The following RIMS1 variants were observed in gnomAD, a reference collection of about 807,000 sequenced individuals.
RIMS1 encodes the protein regulating synaptic membrane exocytosis 1.
A neutral mutation model predicts 214.1 loss-of-function variants in RIMS1; 83 were observed. That is an observed-to-expected ratio of 0.39 (90% CI 0.32 to 0.47). The LOEUF (loss-of-function observed/expected upper bound fraction) is 0.47. RIMS1 is among the 20% of genes least tolerant of loss of function. The probability of loss-of-function intolerance (pLI) is 0.99; values close to 1 mark genes in which losing one functional copy is unlikely to be tolerated. For synonymous variants in RIMS1, 793 were observed against 786.8 expected, an observed-to-expected ratio of 1.01 and a Z score of -0.13; for missense variants, 2,050 against 2,161.8, an observed-to-expected ratio of 0.95 and a Z score of 1.03.
chr6:71,916,880 ATTTAATATTTATTAATTGAGTGCCTGTG>A (rs1562189103), intron 1 of RIMS1, among the ~76,000 whole-genome samples: 19 of 152,230 alleles, frequency 1.2e-4, no homozygotes, highest in Admixed American at 9.8e-4. Flanking sequence ...TTATTTCTTC[ATTTAATATTTATTAATTGAGTGCCTGTG>A]GTTCAGAAGA....
chr6:72,179,702 C>T lies in RIMS1; in HGVS notation c.599C>T (p.Ala200Val). The change falls in exon 5 of 34, where the codon GCT becomes GTT. Residue 200 changes from alanine (A) to valine (V), a missense_variant. By Grantham distance (64) the Ala-to-Val change is moderately conservative (BLOSUM62 0). This residue lies in a region of RIMS1 where 882 missense variants were observed against 828.9 expected (regional missense o/e 1.06). Transcript: ENST00000521978. ...ACCCTGAGTGATACAGCTACAGGTGCTGGCTCTGAGGTACCAAGAGAAAAG... is the reference window on the plus strand; with the variant it reads ...ACCCTGAGTGATACAGCTACAGGTGTTGGCTCTGAGGTACCAAGAGAAAAG... Reference protein sequence around the residue: ...DGTLSDTATGAGSEVPREKKA... With the variant: ...DGTLSDTATGVGSEVPREKKA... 3.7e-6 allele frequency: 6 copies of T among 1,613,904 alleles called. No homozygotes were observed. The highest frequency in any genetic ancestry group is 3.3e-5 in the South Asian group (3 of 91,082).
intron 2 of RIMS1, among the ~76,000 whole-genome samples, chr6:71,980,658 G>A (rs1384811107): frequency 6.6e-6 from 1 of 152,020 alleles, no homozygotes; most frequent in Non-Finnish European, 1.5e-5. Flanking sequence ...AATTTTTCAG[G>A]AATATGCATG....
At chr6:72,269,803 A>G (rs2082169820) in intron 22 of RIMS1, among the ~76,000 whole-genome samples, 1 of 152,110 alleles carries the variant, frequency 6.6e-6, no homozygotes, top group African/African-American at 2.4e-5. Flanking sequence ...ATTAACTTAT[A>G]TCTCATTTTC....
In RIMS1 at chr6:72,076,335, G is replaced by A. The variant is rs575092627; in HGVS notation, c.246-20614G>A. On this transcript the variant is annotated intron_variant, in intron 2 of 33. Coordinates refer to ENST00000521978, the MANE Select transcript of RIMS1 (RefSeq NM_014989.7). ...CATGATAAAGGTGCCCATCAATTTTGTTCCCTGCCAAGGGCCATCTTCCTG... is the reference window on the plus strand; with the variant it reads ...CATGATAAAGGTGCCCATCAATTTTATTCCCTGCCAAGGGCCATCTTCCTG... 1.1e-3 allele frequency among the ~76,000 whole-genome samples: 162 copies of A among 152,296 alleles called. 1 individual carries two copies. Among genetic ancestry groups the A allele is most frequent in the African/African-American group, 3.8e-3 (156 of 41,564 alleles).
chr6:72,166,836 G>GA (rs1466580459), intron 4 of RIMS1, among the ~76,000 whole-genome samples: 1 of 151,876 alleles, frequency 6.6e-6, no homozygotes, highest in African/African-American at 2.4e-5. Flanking sequence ...ATAGTGTTTT[G>GA]TAGATTTTTT....
intron 26 of RIMS1, among the ~76,000 whole-genome samples, chr6:72,306,696 A>G (rs1211401278): frequency 6.6e-6 from 1 of 152,196 alleles, no homozygotes; most frequent in Non-Finnish European, 1.5e-5. Flanking sequence ...TCTTTTAGTA[A>G]GTCAGTTTTA....
chr6:71,940,583 T>A (rs1785767052), intron 1 of RIMS1, among the ~76,000 whole-genome samples: 1 of 152,272 alleles, frequency 6.6e-6, no homozygotes, highest in South Asian at 2.1e-4. Flanking sequence ...TTCAAGACTA[T>A]TGCAATAAGG....
chr6:72,281,176 A>G (rs985857444), intron 23 of RIMS1, among the ~76,000 whole-genome samples: 3 of 152,136 alleles, frequency 2.0e-5, no homozygotes, highest in African/African-American at 7.2e-5. Flanking sequence ...TTGAATGACC[A>G]TGTAAGCGAG....
intron 4 of RIMS1, among the ~76,000 whole-genome samples, chr6:72,144,682 T>C (rs1190334564): frequency 1.3e-5 from 2 of 152,076 alleles, no homozygotes; most frequent in Non-Finnish European, 2.9e-5. Flanking sequence ...CTGGCAGGAT[T>C]TGCAGGATAA....
chr6:72,046,109 A>AC, intron 2 of RIMS1, among the ~76,000 whole-genome samples: 1 of 152,128 alleles, frequency 6.6e-6, no homozygotes. Flanking sequence ...TAATAATTGG[A>AC]CTGATAGTGA....
In RIMS1 at chr6:72,235,685, GAAC is replaced by G; in HGVS notation, c.1818_1820del (p.Thr607del). On this transcript the variant is annotated inframe_deletion, in exon 8 of 34. Transcript: ENST00000521978. ...ATTGGACGTGTTATTCTTAACAAGA[GAAC>G]AACCATGCCCAAAGACTCAGGTGCA... 6.2e-7 allele frequency: 1 copy of G among 1,610,074 alleles called. No individual in the cohort carries two copies. The highest frequency in any genetic ancestry group is 8.5e-7 in the Non-Finnish European group (1 of 1,177,892).
chr6:72,119,930 T>C (rs908720549), intron 4 of RIMS1, among the ~76,000 whole-genome samples: 1 of 151,788 alleles, frequency 6.6e-6, no homozygotes, highest in Non-Finnish European at 1.5e-5. Flanking sequence ...TGTGATAGTT[T>C]CCTCGGAATG....
At chr6:71,892,379 G>A (rs1770177896) in intron 1 of RIMS1, among the ~76,000 whole-genome samples, 1 of 152,124 alleles carries the variant, frequency 6.6e-6, no homozygotes, top group Non-Finnish European at 1.5e-5. Flanking sequence ...AACTAGCTTG[G>A]CATCTTCCTG....
chr6:71,943,720 A>G (rs1391565048), intron 1 of RIMS1, among the ~76,000 whole-genome samples: 1 of 152,214 alleles, frequency 6.6e-6, no homozygotes, highest in Admixed American at 6.5e-5. Context: ...ATTATTATAA[A>G]TGTCAAAATT....
chr6:72,189,098 A>T (rs2049616974), intron 6 of RIMS1, among the ~76,000 whole-genome samples: 1 of 152,200 alleles, frequency 6.6e-6, no homozygotes, highest in Non-Finnish European at 1.5e-5. Flanking sequence ...TCTAGGGATG[A>T]TGGTGAGTGT....
At chr6:72,263,194 A>G (rs771050224) in intron 19 of RIMS1, 85 of 984,654 alleles carry the variant, frequency 8.6e-5, no homozygotes, top group Middle Eastern at 5.2e-4. Context: ...TAATACACAC[A>G]GCATATTAAA....
At chr6:72,324,581 A>C (rs1396454720) in intron 28 of RIMS1, among the ~76,000 whole-genome samples, 1 of 151,926 alleles carries the variant, frequency 6.6e-6, no homozygotes, top group Non-Finnish European at 1.5e-5. Flanking sequence ...TAATTGCATC[A>C]AAAGTAAATG....
chr6:72,009,617 A>C (rs1427544610), intron 2 of RIMS1, among the ~76,000 whole-genome samples: 2 of 150,430 alleles, frequency 1.3e-5, no homozygotes, highest in East Asian at 3.8e-4. Flanking sequence ...AATCAAATAG[A>C]CTCAATAAAA....
intron 2 of RIMS1, among the ~76,000 whole-genome samples, chr6:72,065,867 C>A (rs182903429): frequency 3.3e-4 from 49 of 149,456 alleles, no homozygotes; most frequent in Non-Finnish European, 6.8e-4. Flanking sequence ...GAGAAATAAT[C>A]GCTTGCAGAA....
Sources: allele counts gnomAD v4.1 joint callset (sites outside exome capture counted in the v4.1 genomes callset), GRCh38; gene constraint gnomAD v4.1.1; regional missense constraint gnomAD v4.1.1; transcripts MANE v1.5; gene names NCBI Gene and HGNC (gene_info 2026-07-23, HGNC 2026-07-21).